Variants in PTGFRN observed in about 807,000 individuals in gnomAD.
PTGFRN encodes prostaglandin F2 receptor inhibitor, also known as prostaglandin F2 receptor negative regulator.
A neutral mutation model predicts 83.2 loss-of-function variants in PTGFRN; 35 were observed. The ratio of observed to expected loss-of-function variants is 0.42; its 90% CI spans 0.32 to 0.56. The LOEUF (loss-of-function observed/expected upper bound fraction) is 0.56, where lower values mean the gene tolerates loss of function less well. Ranked by LOEUF, PTGFRN falls within the 20% of genes least tolerant of loss-of-function variation. The pLI is 0.11. For missense variants in PTGFRN, 1,051 were observed against 1,179.5 expected (o/e 0.89, Z 1.60); for synonymous variants, 519 against 498.6 (o/e 1.04, Z -0.55).
intron 5 of PTGFRN, among the ~76,000 whole-genome samples, chr1:116,964,365 C>T (rs1313581512): frequency 6.6e-6 from 1 of 152,192 alleles, no homozygotes; most frequent in African/African-American, 2.4e-5. Context: ...TTCCCTCCTC[C>T]TGGGAATGCT....
At chr1:116,962,626 A>G (rs993287395) in intron 5 of PTGFRN, among the ~76,000 whole-genome samples, 6 of 152,036 alleles carry the variant, frequency 3.9e-5, no homozygotes, top group Non-Finnish European at 8.8e-5. Flanking sequence ...CCTCTATCCT[A>G]TTTGGTCCTA....
intron 4 of PTGFRN, among the ~76,000 whole-genome samples, chr1:116,953,280 A>C (rs1452701814): frequency 6.6e-6 from 1 of 152,238 alleles, no homozygotes; most frequent in East Asian, 1.9e-4. Context: ...TAATCTGCTA[A>C]GTACTTGGTA....
chr1:116,954,211 T>C (rs773534724), intron 4 of PTGFRN, among the ~76,000 whole-genome samples: 3 of 152,164 alleles, frequency 2.0e-5, no homozygotes, highest in Non-Finnish European at 4.4e-5. Context: ...CAAATGATGT[T>C]ATTTTTATTG....
At chr1:116,928,893 A>G (rs1649721419) in intron 1 of PTGFRN, among the ~76,000 whole-genome samples, 1 of 151,824 alleles carries the variant, frequency 6.6e-6, no homozygotes, top group Non-Finnish European at 1.5e-5. Context: ...TCCCCAAGTG[A>G]CCCCAGGCAA....
chr1:116,938,452 A>G (rs1380831966), intron 1 of PTGFRN, among the ~76,000 whole-genome samples: 1 of 152,190 alleles, frequency 6.6e-6, no homozygotes, highest in Non-Finnish European at 1.5e-5. Context: ...AGGCAAAGAG[A>G]AGAGCGCTTG....
At position 116,982,451 on chromosome 1, in the gene PTGFRN, A is replaced by G. The variant is rs141052139; in HGVS notation, c.2168-2229A>G. Among the ~76,000 whole-genome samples the G allele has an allele frequency of 2.9e-4, 44 of 152,216 alleles. No individual in the cohort carries two copies. In the East Asian group the frequency reaches 8.3e-3, roughly 29 times the overall value. On this transcript the variant is annotated intron_variant, in intron 7 of 8. Coordinates refer to ENST00000393203, the MANE Select transcript of PTGFRN (RefSeq NM_020440.4). ...GTGAGGGAATGCTCTTTTGTGAAGG[A>G]CATGTTGCATAAGTGATTTGTGGGC...
intron 1 of PTGFRN, among the ~76,000 whole-genome samples, chr1:116,913,732 T>C (rs1481169397): frequency 2.0e-5 from 3 of 152,224 alleles, no homozygotes; most frequent in African/African-American, 7.2e-5. Flanking sequence ...ATTGGCTGAC[T>C]GAATACTTAC....
chr1:116,977,714 T>G (rs2101087852), intron 7 of PTGFRN, among the ~76,000 whole-genome samples: 1 of 152,268 alleles, frequency 6.6e-6, no homozygotes, highest in Non-Finnish European at 1.5e-5. Flanking sequence ...TGGGACACAT[T>G]CAAAGCAGTG....
At chr1:116,975,098 G>A (rs1280690839) in intron 7 of PTGFRN, among the ~76,000 whole-genome samples, 4 of 152,204 alleles carry the variant, frequency 2.6e-5, no homozygotes, top group Non-Finnish European at 5.9e-5. Flanking sequence ...GGCTCGGAGG[G>A]TCCCATGCCC....
chr1:116,931,587 T>A (rs1649805005), intron 1 of PTGFRN, among the ~76,000 whole-genome samples: 1 of 152,010 alleles, frequency 6.6e-6, no homozygotes, highest in Non-Finnish European at 1.5e-5. Context: ...ATATGTGACT[T>A]CATTACACAT....
At position 116,944,803 on chromosome 1, in the gene PTGFRN, G is replaced by A. The variant is rs776859684; in HGVS notation, c.543G>A (p.Leu181=). ...AASASPLHTH[L]ALLWEVHRGP... The stretch of plus-strand genomic sequence containing the variant: ...CCGCCTCGCCGCTGCACACGCACCT[G>A]GCGCTGCTGTGGGAGGTGCACCGCG... The change falls in exon 3 of 9, where the codon CTG becomes CTA. Residue 181 remains leucine (L), a synonymous_variant. Coordinates refer to ENST00000393203, the MANE Select transcript of PTGFRN (RefSeq NM_020440.4). The A allele has an allele frequency of 6.4e-7, 1 of 1,568,826 alleles. No homozygotes were observed. Among genetic ancestry groups the A allele is most frequent in the South Asian group, 1.2e-5 (1 of 86,938 alleles).
At chr1:116,959,626 G>A (rs1446760900) in intron 4 of PTGFRN, among the ~76,000 whole-genome samples, 2 of 152,184 alleles carry the variant, frequency 1.3e-5, no homozygotes, top group African/African-American at 2.4e-5. Context: ...GGAGAGTTCT[G>A]TTTAGGTAGT....
rs183796299 is a variant in PTGFRN, at chr1:116,939,202, G to A, written c.50-2513G>A. Among the ~76,000 whole-genome samples, 10 of 152,374 alleles carry A rather than the reference G, an allele frequency of 6.6e-5. No individual in the cohort carries two copies. The East Asian group carries it at 1.9e-3, about 29-fold the overall frequency. On this transcript the variant is annotated intron_variant, in intron 1 of 8. Coordinates refer to ENST00000393203, the MANE Select transcript of PTGFRN (RefSeq NM_020440.4). ...TCTTCTCACAGCTCCACTAGGCCAT[G>A]CCCCAGTAGGGGCTGTTTGTGGGGG...
chr1:116,944,206 T>A (rs1386781504), intron 2 of PTGFRN, among the ~76,000 whole-genome samples: 1 of 152,216 alleles, frequency 6.6e-6, no homozygotes, highest in East Asian at 1.9e-4. Flanking sequence ...GCGGGCTCCC[T>A]AGCCTAGCCC....
chr1:116,945,161 G>T (rs1650166150), intron 3 of PTGFRN, 69 bp downstream of exon 3: 1 of 1,521,186 alleles, frequency 6.6e-7, no homozygotes, highest in South Asian at 1.3e-5. Context: ...AAAGAACCGG[G>T]CCAGGGAGCC....
intron 5 of PTGFRN, among the ~76,000 whole-genome samples, chr1:116,964,588 A>G (rs1235182120): frequency 6.6e-6 from 1 of 152,062 alleles, no homozygotes; most frequent in Non-Finnish European, 1.5e-5. Context: ...AATCTCATCA[A>G]TTTAAATACC....
chr1:116,964,426 A>G (rs1484375474), intron 5 of PTGFRN, among the ~76,000 whole-genome samples: 9 of 152,066 alleles, frequency 5.9e-5, no homozygotes, highest in Non-Finnish European at 1.2e-4. Context: ...GCTTTCTTCC[A>G]ACTTTATTAG....
At chr1:116,966,890 C>G in intron 5 of PTGFRN, 21 bp from the exon 6 acceptor site, 1 of 1,561,636 alleles carries the variant, frequency 6.4e-7, no homozygotes, top group East Asian at 2.3e-5. Context: ...GAAATCACAT[C>G]CTTCTGGTCA....
In PTGFRN at chr1:116,921,235, G is replaced by A. The variant is rs185620520; in HGVS notation, c.49+10983G>A. Among the ~76,000 whole-genome samples the A allele has an allele frequency of 5.3e-5, 8 of 152,298 alleles. No homozygotes were observed. The East Asian group carries it at 1.5e-3, about 29-fold the overall frequency. Reference sequence around the variant, plus strand: ...TTTCATCTCAGTGGTTTTGGATGCAGATATTTTTGAGGCTTATCCCTTTAG... The same window carrying A: ...TTTCATCTCAGTGGTTTTGGATGCAAATATTTTTGAGGCTTATCCCTTTAG... On this transcript the variant is annotated intron_variant, in intron 1 of 8. Coordinates refer to ENST00000393203, the MANE Select transcript of PTGFRN (RefSeq NM_020440.4).
Sources: allele counts gnomAD v4.1 joint callset (sites outside exome capture counted in the v4.1 genomes callset), GRCh38; gene constraint gnomAD v4.1.1; transcripts MANE v1.5; gene names NCBI Gene and HGNC (gene_info 2026-07-23, HGNC 2026-07-21).